The following ZNF343 variants were observed in gnomAD, a reference collection of about 807,000 sequenced individuals.
ZNF343 encodes the protein zinc finger protein 343.
Under a neutral mutation model 13.8 loss-of-function variants are expected in ZNF343, and 11 were observed. The observed-to-expected ratio is 0.80, with a 90% CI of 0.50 to 1.32. ZNF343 has a LOEUF of 1.32. Ranked by LOEUF, ZNF343 falls within the 40% of genes most tolerant of loss-of-function variation. ZNF343 has a pLI of 0.00. For missense variants in ZNF343, 658 were observed against 714.2 expected (o/e 0.92, Z 0.90); for synonymous variants, 248 against 260.0 (o/e 0.95, Z 0.44).
chr20:2,483,464 C>T lies in ZNF343; in HGVS notation c.1497G>A (p.Arg499=), dbSNP rs148412245. 1 of 1,608,904 alleles carries T rather than the reference C, an allele frequency of 6.2e-7. No individual in the cohort carries two copies. Among genetic ancestry groups the T allele is most frequent in the South Asian group, 1.1e-5 (1 of 90,742 alleles). ...GATTTGACTTCTGGCTAAAACCTCG[C>T]CTACACTCCCTGCAGACATAATGCT... The part of the protein sequence containing the change: ...GEKHYVCREC[R]RGFSQKSNLI... The change falls in exon 6 of 6, where the codon AGG becomes AGA. Residue 499 remains arginine (R), a synonymous_variant. Transcript: ENST00000278772.
chr20:2,523,979 C>CA (rs56321237), intron 1 of ZNF343, among the ~76,000 whole-genome samples: 14,675 of 104,100 alleles, frequency 0.14, 1,014 homozygotes, highest in African/African-American at 0.2. Flanking sequence ...GACCCCGTCT[C>CA]AAAAAAAAAA....
intron 5 of ZNF343, among the ~76,000 whole-genome samples, chr20:2,485,109 T>C (rs1395847797): frequency 6.6e-6 from 1 of 152,154 alleles, no homozygotes; most frequent in Non-Finnish European, 1.5e-5. Flanking sequence ...AGAAAGTGTA[T>C]GGAATACTGG....
At chr20:2,519,076 CTTTCCTT>C (rs2085771991) in intron 1 of ZNF343, among the ~76,000 whole-genome samples, 1 of 152,172 alleles carries the variant, frequency 6.6e-6, no homozygotes, top group Admixed American at 6.5e-5. Context: ...AATTAAACCT[CTTTCCTT>C]TTTAAATTAC....
At chr20:2,506,783 CG>C (rs1246380755) in intron 1 of ZNF343, among the ~76,000 whole-genome samples, 1 of 151,888 alleles carries the variant, frequency 6.6e-6, no homozygotes, top group African/African-American at 2.4e-5. Flanking sequence ...CATCACACCC[CG>C]GGGCCTGTTG....
intron 1 of ZNF343, among the ~76,000 whole-genome samples, chr20:2,522,846 G>A (rs534044930): frequency 1.1e-4 from 16 of 152,314 alleles, no homozygotes; most frequent in African/African-American, 3.6e-4. Flanking sequence ...AGCTACTTGG[G>A]AGGCTGAGGT....
At chr20:2,490,554 TGAG>T (rs2085351723) in intron 5 of ZNF343, among the ~76,000 whole-genome samples, 1 of 151,262 alleles carries the variant, frequency 6.6e-6, no homozygotes, top group African/African-American at 2.4e-5. Flanking sequence ...TTTTTTTTTT[TGAG>T]ATGGAGTTTT....
At chr20:2,484,775 C>T (rs2085257089) in intron 5 of ZNF343, 119 bp from the exon 6 acceptor site, 1 of 898,472 alleles carries the variant, frequency 1.1e-6, no homozygotes, top group South Asian at 1.9e-5. Flanking sequence ...ATAAGTATAA[C>T]ACAATTTGCT....
chr20:2,510,171 G>C (rs1043939826), upstream of ZNF343, among the ~76,000 whole-genome samples: 2 of 151,114 alleles, frequency 1.3e-5, no homozygotes, highest in African/African-American at 4.9e-5. Flanking sequence ...CAATTACCAG[G>C]TGAATTTAGA....
Position 2,483,442 on chromosome 20 carries a change from T to G in ZNF343, c.1519A>C (p.Asn507His). 6.3e-7 allele frequency: 1 copy of G among 1,599,088 alleles called. No homozygotes were observed. The highest frequency in any genetic ancestry group is 1.1e-5 in the South Asian group (1 of 90,412). Reference sequence around the variant, plus strand: ...TGCGTCCTCTGGTGTCTGATGAGATTTGACTTCTGGCTAAAACCTCGCCTA... The same window carrying G: ...TGCGTCCTCTGGTGTCTGATGAGATGTGACTTCTGGCTAAAACCTCGCCTA... ...ECRRGFSQKS[N>H]LIRHQRTHSN... Residue 507 changes from asparagine to histidine, a missense_variant, in exon 6 of 6, where the codon AAT (asparagine) becomes CAT (histidine). Physicochemically the swap from Asn to His is moderately conservative, Grantham distance 68. Transcript: ENST00000278772.
chr20:2,484,825 T>C (rs571626778), intron 5 of ZNF343, among the ~76,000 whole-genome samples, 169 bp from the exon 6 acceptor site: 106 of 152,354 alleles, frequency 7.0e-4, no homozygotes, highest in Middle Eastern at 3.4e-3. Flanking sequence ...ACATTTTCTA[T>C]TGCAATCCAG....
intron 1 of ZNF343, among the ~76,000 whole-genome samples, chr20:2,521,539 C>T (rs1479471957): frequency 6.6e-6 from 1 of 152,174 alleles, no homozygotes; most frequent in Non-Finnish European, 1.5e-5. Context: ...ACTCAGCTTC[C>T]AGCTCTAGAA....
At chr20:2,489,724 G>A (rs1245885817) in intron 5 of ZNF343, among the ~76,000 whole-genome samples, 1 of 152,178 alleles carries the variant, frequency 6.6e-6, no homozygotes, top group Non-Finnish European at 1.5e-5. Context: ...GTTTATCACA[G>A]TATTATCTGG....
chr20:2,504,175 A>G (rs2085616492), intron 1 of ZNF343, among the ~76,000 whole-genome samples: 1 of 152,228 alleles, frequency 6.6e-6, no homozygotes, highest in Non-Finnish European at 1.5e-5. Flanking sequence ...AGAGAATACT[A>G]TAAACACCTC....
Position 2,484,415 on chromosome 20 carries a change from T to C in ZNF343, c.546A>G (p.Ala182=), listed in dbSNP as rs1305198319. The C allele has an allele frequency of 6.2e-7, 1 of 1,614,228 alleles. No homozygotes were observed. The highest frequency in any genetic ancestry group is 1.3e-5 in the African/African-American group (1 of 75,062). Reference sequence around the variant, plus strand: ...TTGAGGTTTCTCTCTCCTCTGTCCTTGCAGACCAGGGTTTGGAGCCACCTC... The same window carrying C: ...TTGAGGTTTCTCTCTCCTCTGTCCTCGCAGACCAGGGTTTGGAGCCACCTC... The part of the protein sequence containing the change: ...ERGGGSKPWS[A]RTEERETSRA... The change falls in exon 6 of 6, where the codon GCA becomes GCG. Residue 182 remains alanine (A), a synonymous_variant. Coordinates refer to ENST00000278772, the MANE Select transcript of ZNF343 (RefSeq NM_024325.6).
In ZNF343 at chr20:2,483,336, G is replaced by A. The variant is rs973238444; in HGVS notation, c.1625C>T (p.Thr542Ile). The part of the protein sequence containing the change: ...DKSTLIVHER[T>I]HSGEKPYVCS... ...CACGTAAGGCTTCTCTCCTGAGTGTGTCCTCTCATGTACAATGAGGGTTGA... is the reference window on the plus strand; with the variant it reads ...CACGTAAGGCTTCTCTCCTGAGTGTATCCTCTCATGTACAATGAGGGTTGA... Residue 542 changes from threonine to isoleucine, a missense_variant, in exon 6 of 6, where the codon ACA (threonine) becomes ATA (isoleucine). Coordinates refer to ENST00000278772, the MANE Select transcript of ZNF343 (RefSeq NM_024325.6). 1 of 1,611,622 alleles carries A rather than the reference G, an allele frequency of 6.2e-7. No homozygotes were observed. Among genetic ancestry groups the A allele is most frequent in the African/African-American group, 1.3e-5 (1 of 74,354 alleles).
chr20:2,486,967 A>C (rs527676775), intron 5 of ZNF343, among the ~76,000 whole-genome samples: 1 of 152,264 alleles, frequency 6.6e-6, no homozygotes, highest in South Asian at 2.1e-4. Flanking sequence ...TGACTGCTTA[A>C]CTCTGCCATT....
Position 2,493,757 on chromosome 20 carries a change from G to A in ZNF343, c.118+21C>T, listed in dbSNP as rs201341108. ...GCCTTGGCTTCCTCTTCATCCCTCC[G>A]GCTCCCTCAACAATTCTCACCTTTC... is the stretch of plus-strand genomic sequence containing the variant. On this transcript the variant is annotated intron_variant, in intron 3 of 5. Transcript: ENST00000278772. The A allele has an allele frequency of 1.1e-4, 183 of 1,594,108 alleles. 1 individual carries two copies. The highest frequency in any genetic ancestry group is 5.0e-4 in the Middle Eastern group (3 of 6,050).
Position 2,508,009 on chromosome 20 carries a change from G to A in ZNF343, c.-237+872C>T, listed in dbSNP as rs1568490838. ...AGTCCAGGAAAGGAGTCAGCCAGAC[G>A]GGCCACCCAGATGACGACCAAACCC... On this transcript the variant is annotated intron_variant, in intron 1 of 5. Coordinates refer to ENST00000278772, the MANE Select transcript of ZNF343 (RefSeq NM_024325.6). This position sits in a 1 kb window ranked among gnomAD's most constrained non-coding sequence, Gnocchi z 4.5. 6.6e-6 allele frequency among the ~76,000 whole-genome samples: 1 copy of A among 151,918 alleles called. No homozygotes were observed. Among genetic ancestry groups the A allele is most frequent in the Non-Finnish European group, 1.5e-5 (1 of 67,998 alleles).
In ZNF343 at chr20:2,494,020, C is replaced by A; in HGVS notation, c.-125G>T. 1 of 723,040 alleles carries A rather than the reference C, an allele frequency of 1.4e-6. No homozygotes were observed. 44.8% of individuals were successfully genotyped at this position (723,040 alleles called of 1,614,324 possible). ...CTTCCAACCTTAATTATAAAAAGCC[C>A]AGCTTGTTTCCCTGCAGCCAGGACC... On this transcript the variant is annotated 5_prime_UTR_variant, in exon 3 of 6. Transcript: ENST00000278772.
Sources: gnomAD v4.1 joint callset for allele counts (sites outside exome capture counted in the v4.1 genomes callset) on GRCh38, gnomAD v4.1.1 for gene constraint, Gnocchi (gnomAD v3.1) non-coding constraint, MANE v1.5 for transcripts, NCBI Gene and HGNC (gene_info 2026-07-23, HGNC 2026-07-21) for gene names.